Variants in DAB1 observed in about 807,000 individuals in gnomAD.
The protein encoded by DAB1 is disabled homolog 1.
A neutral mutation model predicts 64.6 loss-of-function variants in DAB1; 15 were observed. That is an observed-to-expected ratio of 0.23 (90% CI 0.16 to 0.36). DAB1 has a LOEUF of 0.36. Ranked by LOEUF, DAB1 falls within the 10% of genes least tolerant of loss-of-function variation. The pLI, the probability that DAB1 is intolerant of heterozygous loss-of-function variation, is 1.00. For missense variants in DAB1, 596 were observed against 706.7 expected, an observed-to-expected ratio of 0.84 and a Z score of 1.78; for synonymous variants, 235 against 251.9, an observed-to-expected ratio of 0.93 and a Z score of 0.64.
At chr1:58,067,684 T>C (rs17116815) in intron 5 of DAB1, among the ~76,000 whole-genome samples, 10,055 of 152,256 alleles carry the variant, frequency 0.066, 543 homozygotes, top group African/African-American at 0.14. Flanking sequence ...ATACAGTCTA[T>C]GGGATAAGAG....
At chr1:58,183,324 C>T (rs1656897549) in intron 4 of DAB1, among the ~76,000 whole-genome samples, 2 of 152,002 alleles carry the variant, frequency 1.3e-5, no homozygotes, top group Non-Finnish European at 2.9e-5. Flanking sequence ...CATATTCAGC[C>T]ATGGATGAAT....
rs202064057 is a variant in DAB1, at chr1:58,538,934, C to T, written n.32+7769G>A. ...GAAGCAGGGCTTAGAGGATGCAATA[C>T]TGACAGACTAGGGACTGCTGTAACT... is the stretch of plus-strand genomic sequence containing the variant. On this transcript the variant is annotated intron_variant and non_coding_transcript_variant, in intron 1 of 20. Transcript: ENST00000485760. The T allele has an allele frequency of 6.0e-5, 52 of 872,902 alleles. No individual in the cohort carries two copies. In the East Asian group the frequency reaches 1.2e-3, roughly 21 times the overall value. The allele number at this position is 872,902 out of a possible 1,614,324, so 54.1% of individuals were successfully genotyped here.
chr1:58,496,208 C>T (rs559558366), intron 3 of DAB1, among the ~76,000 whole-genome samples: 2 of 150,590 alleles, frequency 1.3e-5, no homozygotes, highest in South Asian at 2.1e-4. Flanking sequence ...TTTGGTTGTG[C>T]TATGTTCCTC....
intron 6 of DAB1, among the ~76,000 whole-genome samples, chr1:57,677,689 A>G (rs1301057190): frequency 1.3e-5 from 2 of 152,216 alleles, no homozygotes; most frequent in Admixed American, 6.5e-5. Context: ...TTAATTAGAG[A>G]TATTCACTGC....
intron 6 of DAB1, among the ~76,000 whole-genome samples, chr1:57,796,483 T>C (rs1201926121): frequency 6.6e-6 from 1 of 151,842 alleles, no homozygotes; most frequent in East Asian, 1.9e-4. Context: ...GCTGAGATCG[T>C]GCCGCTGCAT....
rs1659558695 is a variant in DAB1 at position 58,227,614 on chromosome 1, A to G, written n.310-77026T>C. On this transcript the variant is annotated intron_variant and non_coding_transcript_variant, in intron 4 of 20. Transcript: ENST00000485760. The stretch of plus-strand genomic sequence containing the variant: ...TCAGGTGCCAAAGCTACAATAAGAA[A>G]GTCACGAAAGTTAGGGGAGAGACAA... Among the ~76,000 whole-genome samples the G allele has an allele frequency of 2.0e-5, 3 of 152,160 alleles. No homozygotes were observed. The South Asian group carries it at 6.2e-4, about 32-fold the overall frequency.
chr1:58,453,070 AAACAAC>A (rs996124000), intron 3 of DAB1, among the ~76,000 whole-genome samples: 1 of 152,250 alleles, frequency 6.6e-6, no homozygotes, highest in African/African-American at 2.4e-5. Context: ...TAGCAATTAA[AAACAAC>A]AACAAACAAC....
intron 1 of DAB1, among the ~76,000 whole-genome samples, chr1:57,851,839 T>C (rs1056370588): frequency 6.6e-5 from 10 of 152,324 alleles, no homozygotes; most frequent in African/African-American, 2.2e-4. Context: ...CCTAGGTTCC[T>C]GCTCCCTTTG....
chr1:58,037,187 C>A (rs1570260228), intron 5 of DAB1, among the ~76,000 whole-genome samples: 2 of 152,142 alleles, frequency 1.3e-5, no homozygotes, highest in South Asian at 4.2e-4. Flanking sequence ...GGTATCAGAA[C>A]CCCCTTTGCC....
At chr1:57,663,839 A>C (rs556904353) in intron 6 of DAB1, among the ~76,000 whole-genome samples, 1 of 152,316 alleles carries the variant, frequency 6.6e-6, no homozygotes, top group Non-Finnish European at 1.5e-5. Flanking sequence ...AGGAACTGAG[A>C]GAGACCAAAG....
rs1450290049 is a variant in DAB1 at position 58,423,047 on chromosome 1, TCC to T, written n.258-79646_258-79645del. On this transcript the variant is annotated intron_variant and non_coding_transcript_variant, in intron 3 of 20. Transcript: ENST00000485760. ...AGGTAGAATGGCCGTTGAGTTCCAATCCCCCTTCTCCATCATACCACCTCTTC... is the reference window on the plus strand; with the variant it reads ...AGGTAGAATGGCCGTTGAGTTCCAATCCCTTCTCCATCATACCACCTCTTC... Among the ~76,000 whole-genome samples, 4 of 151,992 alleles carry T rather than the reference TCC, an allele frequency of 2.6e-5. No homozygotes were observed. In the East Asian group the frequency reaches 7.7e-4, roughly 29 times the overall value.
intron 4 of DAB1, among the ~76,000 whole-genome samples, chr1:58,154,452 C>CTTCATTCATTCA (rs143773624): frequency 5.3e-5 from 8 of 151,182 alleles, no homozygotes; most frequent in African/African-American, 1.9e-4. Flanking sequence ...TCATGCAGTT[C>CTTCATTCATTCA]TTCATTCATT....
At chr1:58,525,404 G>A (rs1033833955) in intron 2 of DAB1, among the ~76,000 whole-genome samples, 3 of 152,052 alleles carry the variant, frequency 2.0e-5, no homozygotes, top group Non-Finnish European at 4.4e-5. Flanking sequence ...AAAGGTTGCT[G>A]GGTACAAGGT....
intron 3 of DAB1, among the ~76,000 whole-genome samples, chr1:58,491,888 T>C (rs984235232): frequency 2.5e-4 from 38 of 152,254 alleles, no homozygotes; most frequent in Non-Finnish European, 4.6e-4. Flanking sequence ...TATCCAGGAA[T>C]TGAACTCAGC....
intron 7 of DAB1, among the ~76,000 whole-genome samples, chr1:57,484,337 A>C (rs1463494497): frequency 6.6e-6 from 1 of 152,160 alleles, no homozygotes; most frequent in Non-Finnish European, 1.5e-5. Flanking sequence ...GAATGATCTA[A>C]TTTACCTGTT....
chr1:58,514,513 C>G (rs1646129780), intron 2 of DAB1, among the ~76,000 whole-genome samples: 1 of 152,126 alleles, frequency 6.6e-6, no homozygotes, highest in African/African-American at 2.4e-5. Context: ...GCCATCACCC[C>G]CTTCCAAAGG....
intron 3 of DAB1, chr1:58,467,900 A>T (rs1185892992): frequency 1.3e-5 from 2 of 153,002 alleles, no homozygotes; most frequent in Non-Finnish European, 2.9e-5. Flanking sequence ...TTTATCTTTC[A>T]TTAGTGTGTT....
intron 2 of DAB1, among the ~76,000 whole-genome samples, chr1:57,261,928 T>G (rs1670213061): frequency 6.6e-6 from 1 of 152,240 alleles, no homozygotes; most frequent in South Asian, 2.1e-4. Context: ...TTATTTGTTA[T>G]TTATCATTCA....
intron 4 of DAB1, among the ~76,000 whole-genome samples, chr1:58,187,345 T>C (rs1189661368): frequency 1.3e-5 from 2 of 149,996 alleles, no homozygotes; most frequent in African/African-American, 2.4e-5. Flanking sequence ...GGCTCATAGG[T>C]GTGCACTTGT....
Sources: allele counts gnomAD v4.1 joint callset (sites outside exome capture counted in the v4.1 genomes callset), GRCh38; gene constraint gnomAD v4.1.1; transcripts MANE v1.5; gene names NCBI Gene and HGNC (gene_info 2026-07-23, HGNC 2026-07-21).